Variants in FARP1 observed in about 807,000 individuals in gnomAD.
FARP1 encodes FERM, ARHGEF and pleckstrin domain-containing protein 1.
FARP1 carries 52 observed loss-of-function variants against 128.8 expected under a neutral mutation model. The observed-to-expected ratio is 0.40, with a 90% CI of 0.32 to 0.51. The LOEUF is 0.51. Ranked by LOEUF, FARP1 falls within the 20% of genes least tolerant of loss-of-function variation. The pLI is 0.45. For synonymous variants in FARP1, 580 were observed against 551.8 expected (o/e 1.05, Z -0.72); for missense variants, 1,333 against 1,367.9 (o/e 0.97, Z 0.40).
intron 2 of FARP1, among the ~76,000 whole-genome samples, chr13:98,242,395 G>A (rs1476757550): frequency 6.6e-6 from 1 of 152,142 alleles, no homozygotes; most frequent in Admixed American, 6.5e-5. Flanking sequence ...AAAATTTGGG[G>A]CCAGATGCAG....
chr13:98,343,995 A>G (rs1423252591), intron 3 of FARP1, 129 bp downstream of exon 3: 8 of 688,848 alleles, frequency 1.2e-5, no homozygotes, highest in Non-Finnish European at 2.1e-5. Flanking sequence ...TGAAGTCTTC[A>G]AATCTGGTGT....
intron 16 of FARP1, among the ~76,000 whole-genome samples, chr13:98,422,908 T>C (rs1379860255): frequency 6.6e-6 from 1 of 152,076 alleles, no homozygotes; most frequent in African/African-American, 2.4e-5. Flanking sequence ...ATAGGATAGA[T>C]GTATATATGA....
Position 98,261,277 on chromosome 13 carries a change from C to T in FARP1, c.171+47864C>T, listed in dbSNP as rs144631800. 2.8e-3 allele frequency among the ~76,000 whole-genome samples: 421 copies of T among 152,204 alleles called. 1 individual carries two copies. The highest frequency in any genetic ancestry group is 7.8e-4 in the Non-Finnish European group (53 of 68,002). On this transcript the variant is annotated intron_variant, in intron 2 of 26. Coordinates refer to ENST00000319562, the MANE Select transcript of FARP1 (RefSeq NM_005766.4). ...AGTGCTGGCAGAGCTCATGTGTGGG[C>T]GACCCCTGGCCCTGAGCTGTGGGTG...
intron 2 of FARP1, among the ~76,000 whole-genome samples, chr13:98,320,921 G>A (rs1886965184): frequency 1.3e-5 from 2 of 152,180 alleles, no homozygotes; most frequent in Admixed American, 6.5e-5. Context: ...TGTAAAACTG[G>A]AGCTGTTGTT....
chr13:98,286,531 G>C (rs1170495878), intron 2 of FARP1, among the ~76,000 whole-genome samples: 1 of 152,090 alleles, frequency 6.6e-6, no homozygotes, highest in East Asian at 1.9e-4. Flanking sequence ...CTCTTCTCTT[G>C]TCTGCCGCCA....
chr13:98,427,241 T>A (rs982327459), intron 17 of FARP1, among the ~76,000 whole-genome samples: 1 of 152,186 alleles, frequency 6.6e-6, no homozygotes, highest in Non-Finnish European at 1.5e-5. Flanking sequence ...GTTTTATCTT[T>A]CCAGATGTCA....
At chr13:98,398,697 G>C (rs1439293371) in intron 13 of FARP1, 1 of 152,170 alleles carries the variant, frequency 6.6e-6, no homozygotes, top group Admixed American at 6.5e-5. Flanking sequence ...TGCATAATCT[G>C]TTCAGACATA....
chr13:98,241,950 A>G (rs117934247), intron 2 of FARP1, among the ~76,000 whole-genome samples: 1 of 152,076 alleles, frequency 6.6e-6, no homozygotes, highest in Non-Finnish European at 1.5e-5. Context: ...AACAAAACTT[A>G]AAAAATTAAC....
intron 2 of FARP1, among the ~76,000 whole-genome samples, chr13:98,341,691 G>A (rs896895778): frequency 2.6e-5 from 4 of 152,132 alleles, no homozygotes; most frequent in African/African-American, 7.2e-5. Flanking sequence ...TGGCAATGTC[G>A]TGAAAGCATT....
At chr13:98,225,024 A>G (rs148425317) in intron 2 of FARP1, among the ~76,000 whole-genome samples, 1 of 152,360 alleles carries the variant, frequency 6.6e-6, no homozygotes, top group East Asian at 1.9e-4. Flanking sequence ...ATTCACAGAC[A>G]TGCTCTGAAT....
Position 98,411,942 on chromosome 13 carries a change from A to G in FARP1, c.1734A>G (p.Glu578=). 1 of 1,614,130 alleles carries G rather than the reference A, an allele frequency of 6.2e-7. No homozygotes were observed. The highest frequency in any genetic ancestry group is 8.5e-7 in the Non-Finnish European group (1 of 1,179,964). ...TGAGCAAAGAGGACGCCATGCCGGA[A>G]GCACTGAAAAGTCTCATATTCCCGA... is the stretch of plus-strand genomic sequence containing the variant. ...STVSKEDAMP[E]ALKSLIFPNF... is the part of the protein sequence containing the mutation. The change falls in exon 16 of 27, where the codon GAA becomes GAG. Residue 578 remains glutamate (E), a synonymous_variant. Transcript: ENST00000319562.
intron 5 of FARP1, among the ~76,000 whole-genome samples, chr13:98,374,577 A>G (rs986086314): frequency 1.3e-5 from 2 of 152,172 alleles, no homozygotes; most frequent in African/African-American, 4.8e-5. Flanking sequence ...GACCAGCTAC[A>G]CTACACAGTA....
At chr13:98,448,020 C>G in intron 26 of FARP1, 1 of 584,510 alleles carries the variant, frequency 1.7e-6, no homozygotes. Context: ...CAGCAAGGTA[C>G]TTCCAGCTCC....
intron 2 of FARP1, among the ~76,000 whole-genome samples, chr13:98,293,696 T>C (rs1885544267): frequency 6.6e-6 from 1 of 152,168 alleles, no homozygotes; most frequent in African/African-American, 2.4e-5. Flanking sequence ...GCTATTGTAC[T>C]GACAAATAGG....
intron 16 of FARP1, among the ~76,000 whole-genome samples, chr13:98,422,939 T>C (rs1370181219): frequency 1.3e-5 from 2 of 152,138 alleles, no homozygotes; most frequent in African/African-American, 2.4e-5. Flanking sequence ...TTTAGGAGTA[T>C]TGACTCACAC....
At chr13:98,165,674 A>C (rs1877193598) in intron 1 of FARP1, among the ~76,000 whole-genome samples, 1 of 35,786 alleles carries the variant, frequency 2.8e-5, no homozygotes, top group Non-Finnish European at 1.0e-4. Context: ...ATAATCTCTC[A>C]TCATTAAAAA....
rs139126688 is a variant in FARP1 at position 98,166,988 on chromosome 13, A to G, written c.-24+23496A>G. Among the ~76,000 whole-genome samples the G allele has an allele frequency of 2.8e-4, 42 of 152,222 alleles. No homozygotes were observed. In the East Asian group the frequency reaches 7.9e-3, roughly 29 times the overall value. On this transcript the variant is annotated intron_variant, in intron 1 of 26. Coordinates refer to ENST00000319562, the MANE Select transcript of FARP1 (RefSeq NM_005766.4). ...GCAATCTGCCTGCCTCGGCCTCCCA[A>G]AGTTCTGGGATTACAGGCATGTGCC... is the stretch of plus-strand genomic sequence containing the variant.
chr13:98,176,808 G>A lies in FARP1; in HGVS notation c.-24+33316G>A, dbSNP rs1878085890. 1.2e-6 allele frequency: 2 copies of A among 1,613,084 alleles called. No homozygotes were observed. The highest frequency in any genetic ancestry group is 1.7e-6 in the Non-Finnish European group (2 of 1,179,980). ...TGTGGATTCCCCGGTAGATGTGGTC[G>A]TGCTCCCGACCCCGCAGTGCCTCCT... On this transcript the variant is annotated intron_variant, in intron 1 of 26. Transcript: ENST00000319562. This position sits in a 1 kb window ranked among gnomAD's most constrained non-coding sequence, Gnocchi z 6.2.
At chr13:98,359,567 C>G (rs562906791) in intron 3 of FARP1, among the ~76,000 whole-genome samples, 2 of 152,336 alleles carry the variant, frequency 1.3e-5, no homozygotes, top group South Asian at 4.1e-4. Flanking sequence ...CAGCCACAGG[C>G]CACATACTGA....
Sources: allele counts gnomAD v4.1 joint callset (sites outside exome capture counted in the v4.1 genomes callset), GRCh38; gene constraint gnomAD v4.1.1; non-coding constraint Gnocchi (gnomAD v3.1); transcripts MANE v1.5; gene names NCBI Gene and HGNC (gene_info 2026-07-23, HGNC 2026-07-21).